The following TXNRD1 variants were observed in gnomAD, a reference collection of about 807,000 sequenced individuals.
The protein encoded by TXNRD1 is thioredoxin reductase 1, cytoplasmic.
Under a neutral mutation model 80.3 loss-of-function variants are expected in TXNRD1, and 57 were observed. That is an observed-to-expected ratio of 0.71 (90% confidence interval 0.57 to 0.89). The LOEUF (loss-of-function observed/expected upper bound fraction) is 0.89, where lower values mean the gene tolerates loss of function less well. TXNRD1 is among the 40% of genes least tolerant of loss of function. The pLI is 0.00. For missense variants in TXNRD1, 730 were observed against 803.0 expected (o/e 0.91, Z 1.10); for synonymous variants, 291 against 285.2 (o/e 1.02, Z -0.20).
At chr12:104,264,993 C>A (rs1240861540) in intron 3 of TXNRD1, among the ~76,000 whole-genome samples, 9 of 152,114 alleles carry the variant, frequency 5.9e-5, no homozygotes, top group Non-Finnish European at 1.0e-4. Context: ...GTGGCTCCTG[C>A]CTGTAATTCC....
At chr12:104,308,794 C>T (rs1311638033) in intron 4 of TXNRD1, among the ~76,000 whole-genome samples, 1 of 151,734 alleles carries the variant, frequency 6.6e-6, no homozygotes, top group African/African-American at 2.4e-5. Context: ...CAGCTGTTTT[C>T]TACTGTCTGT....
intron 4 of TXNRD1, chr12:104,290,970 A>G: frequency 1.5e-6 from 1 of 659,854 alleles, no homozygotes; most frequent in Non-Finnish European, 2.7e-6. Flanking sequence ...TTTTTTTTTA[A>G]TTGAAAACTT....
At chr12:104,267,714 T>TC in intron 3 of TXNRD1, among the ~76,000 whole-genome samples, 3 of 48,610 alleles carry the variant, frequency 6.2e-5, no homozygotes, top group African/African-American at 1.2e-4. Flanking sequence ...TCTTTCTTTC[T>TC]TTCTTTCTCT....
At chr12:104,308,731 G>GA (rs2035021814) in intron 4 of TXNRD1, among the ~76,000 whole-genome samples, 1 of 151,926 alleles carries the variant, frequency 6.6e-6, no homozygotes, top group Non-Finnish European at 1.5e-5. Flanking sequence ...GAGGATGGGG[G>GA]AATTTTTCTC....
Position 104,311,413 on chromosome 12 carries a change from G to A in TXNRD1, c.537+1G>A. On this transcript the variant is annotated splice_donor_variant, in intron 5 of 16. Coordinates refer to ENST00000525566, the MANE Select transcript of TXNRD1 (RefSeq NM_001093771.3). LOFTEE classifies it high-confidence loss of function. ...CTCAGGAGGTCTGGCAGCTGCTAAGGCAAGGCTCCTTGTGTTGTCTGTTGT... is the reference window on the plus strand; with the variant it reads ...CTCAGGAGGTCTGGCAGCTGCTAAGACAAGGCTCCTTGTGTTGTCTGTTGT... 3 of 1,613,044 alleles carry A rather than the reference G, an allele frequency of 1.9e-6. No individual in the cohort carries two copies. The highest frequency in any genetic ancestry group is 2.5e-6 in the Non-Finnish European group (3 of 1,179,532).
chr12:104,253,552 T>C (rs913588076), intron 2 of TXNRD1, among the ~76,000 whole-genome samples: 5 of 152,144 alleles, frequency 3.3e-5, no homozygotes, highest in African/African-American at 1.2e-4. Context: ...GCTATGTAAT[T>C]CTTGGCCTCT....
At chr12:104,279,836 G>A (rs2033839193) in intron 3 of TXNRD1, among the ~76,000 whole-genome samples, 2 of 152,000 alleles carry the variant, frequency 1.3e-5, no homozygotes, top group Admixed American at 6.6e-5. Flanking sequence ...AGGCCGAGGA[G>A]GGTGGATCAC....
chr12:104,342,444 A>G (rs1403319694), intron 16 of TXNRD1, among the ~76,000 whole-genome samples: 2 of 152,256 alleles, frequency 1.3e-5, no homozygotes, highest in East Asian at 1.9e-4. Context: ...CCAAATACAT[A>G]TTTCTTCTCA....
intron 4 of TXNRD1, among the ~76,000 whole-genome samples, chr12:104,293,759 GGCA>G (rs1190046928): frequency 6.6e-6 from 1 of 152,208 alleles, no homozygotes; most frequent in Non-Finnish European, 1.5e-5. Context: ...TAAGAGAAAA[GGCA>G]GCTGGGCCCG....
At chr12:104,241,937 A>ATTTTTTTTTTTT (rs747774973) in intron 1 of TXNRD1, among the ~76,000 whole-genome samples, 72 of 96,066 alleles carry the variant, frequency 7.5e-4, no homozygotes, top group Non-Finnish European at 9.1e-4. Context: ...TATACTAATG[A>ATTTTTTTTTTTT]TTTTTTTTTT....
In TXNRD1 at chr12:104,251,513, T is replaced by G; in HGVS notation, c.92-14T>G. ...CTTTGTGATAATTACCATCCTTACT[T>G]CCATTACTTCTAGCTAAAGATCATC... On this transcript the variant is annotated splice_polypyrimidine_tract_variant and intron_variant, in intron 1 of 16. Transcript: ENST00000525566. 6.2e-7 allele frequency: 1 copy of G among 1,612,090 alleles called. No homozygotes were observed. Among genetic ancestry groups the G allele is most frequent in the Non-Finnish European group, 8.5e-7 (1 of 1,178,988 alleles).
At chr12:104,288,057 C>A (rs900133360) in intron 3 of TXNRD1, among the ~76,000 whole-genome samples, 2 of 152,190 alleles carry the variant, frequency 1.3e-5, no homozygotes, top group African/African-American at 4.8e-5. Flanking sequence ...GTGGCACGAT[C>A]TGGGCTCACT....
chr12:104,254,644 A>ATATATATATATATATATAT (rs1555207848), intron 2 of TXNRD1, among the ~76,000 whole-genome samples: 20 of 93,634 alleles, frequency 2.1e-4, no homozygotes, highest in Non-Finnish European at 2.7e-4. Context: ...AAAAAAAAAA[A>ATATATATATATATATATAT]ATATATATAT....
chr12:104,318,493 T>A (rs2035408305), intron 7 of TXNRD1, among the ~76,000 whole-genome samples: 1 of 152,238 alleles, frequency 6.6e-6, no homozygotes, highest in South Asian at 2.1e-4. Flanking sequence ...TGGGCTGGAT[T>A]GGCCCATGGT....
chr12:104,304,551 A>G (rs1307122487), intron 4 of TXNRD1: 2 of 1,614,064 alleles, frequency 1.2e-6, no homozygotes, highest in East Asian at 4.5e-5. Flanking sequence ...ACAAAGTTGC[A>G]GAAGTTGGAC....
chr12:104,231,977 C>T lies in TXNRD1; in HGVS notation c.91+16084C>T, dbSNP rs1377770510. Among the ~76,000 whole-genome samples, 4 of 152,196 alleles carry T rather than the reference C, an allele frequency of 2.6e-5. No individual in the cohort carries two copies. In the East Asian group the frequency reaches 7.7e-4, roughly 29 times the overall value. ...AGCTTTGGAGAACAATTTCTCTCTC[C>T]AGTCCTTATTTTTGGTAAAAACAAA... On this transcript the variant is annotated intron_variant, in intron 1 of 16. Transcript: ENST00000525566.
At position 104,325,353 on chromosome 12, in the gene TXNRD1, C is replaced by G; in HGVS notation, c.1232C>G (p.Ala411Gly). 1 of 1,612,800 alleles carries G rather than the reference C, an allele frequency of 6.2e-7. No individual in the cohort carries two copies. Among genetic ancestry groups the G allele is most frequent in the Non-Finnish European group, 8.5e-7 (1 of 1,179,240 alleles). The change falls in exon 11 of 17, where the codon GCA (alanine) becomes GGA (glycine). Residue 411 changes from alanine to glycine, a missense_variant. Transcript: ENST00000525566. The stretch of plus-strand genomic sequence containing the variant: ...CTCTTACAGGTTGAACAAATTGAAG[C>G]AGGGACACCAGGCCGACTCAGAGTA... The part of the protein sequence containing the change: ...FVPIKVEQIE[A>G]GTPGRLRVVA...
chr12:104,224,962 G>A, intron 1 of TXNRD1: 2 of 454,060 alleles, frequency 4.4e-6, no homozygotes, highest in Admixed American at 2.4e-5. Context: ...TATTTCCAAT[G>A]TCCCATATGG....
At chr12:104,326,015 TTCA>T (rs1306682730) in intron 11 of TXNRD1, among the ~76,000 whole-genome samples, 1 of 152,210 alleles carries the variant, frequency 6.6e-6, no homozygotes, top group Non-Finnish European at 1.5e-5. Context: ...GTTCTTTCCT[TTCA>T]TCTCCCCACG....
Sources: allele counts gnomAD v4.1 joint callset (sites outside exome capture counted in the v4.1 genomes callset), GRCh38; gene constraint gnomAD v4.1.1; transcripts MANE v1.5; gene names NCBI Gene and HGNC (gene_info 2026-07-23, HGNC 2026-07-21).